The following PANX2 variants were observed in gnomAD, a reference collection of about 807,000 sequenced individuals.
PANX2 encodes the protein pannexin-2.
In PANX2, 30 loss-of-function variants were observed where a neutral mutation model predicts 38.7. That is an observed-to-expected ratio of 0.78 (90% CI 0.58 to 1.05). PANX2 has a LOEUF of 1.05. Ranked by LOEUF, PANX2 falls within the 50% of genes least tolerant of loss-of-function variation. The probability of loss-of-function intolerance (pLI) is 0.00; values close to 1 mark genes in which losing one functional copy is unlikely to be tolerated. For synonymous variants in PANX2, 539 were observed against 472.1 expected (o/e 1.14, Z -1.84); for missense variants, 880 against 979.3 (o/e 0.90, Z 1.35).
rs758658004 is a variant in PANX2 at position 50,177,367 on chromosome 22, CGCA to C, written c.659_661del (p.Ser220del). 6.2e-7 allele frequency: 1 copy of C among 1,609,648 alleles called. No homozygotes were observed. The highest frequency in any genetic ancestry group is 2.2e-5 in the East Asian group (1 of 44,778). ...CGAGAAGTACCTGGAGCGCCGCGGCCGCAGCAACTTCCTGGCCAAGCTGTACCT... is the reference window on the plus strand; with the variant it reads ...CGAGAAGTACCTGGAGCGCCGCGGCCGCAACTTCCTGGCCAAGCTGTACCT... On this transcript the variant is annotated inframe_deletion, in exon 2 of 3. Transcript: ENST00000395842.
At position 50,178,914 on chromosome 22, in the gene PANX2, G is replaced by C. The variant is rs1207511498; in HGVS notation, c.1691-20G>C. The stretch of plus-strand genomic sequence containing the variant: ...CAGCGGAGGATGGTGTGAGATGTCT[G>C]TGCTCTTGGCTGTTTGCAGATGCTC... On this transcript the variant is annotated intron_variant, in intron 2 of 2. Transcript: ENST00000395842. The C allele has an allele frequency of 6.5e-7, 1 of 1,542,900 alleles. No individual in the cohort carries two copies. The highest frequency in any genetic ancestry group is 1.4e-5 in the African/African-American group (1 of 72,906).
intron 1 of PANX2, among the ~76,000 whole-genome samples, chr22:50,171,809 G>A (rs1321367540): frequency 1.3e-5 from 2 of 152,158 alleles, no homozygotes; most frequent in African/African-American, 4.8e-5. Context: ...GGCCTGTGTG[G>A]CCCAGAGGTA....
At chr22:50,178,849 T>G in intron 2 of PANX2, 85 bp from the exon 3 acceptor site, 1 of 1,234,742 alleles carries the variant, frequency 8.1e-7, no homozygotes, top group South Asian at 1.5e-5. Flanking sequence ...TGAGCCCTGC[T>G]CCCCCGCCAG....
chr22:50,173,444 C>T (rs766081353), intron 1 of PANX2, among the ~76,000 whole-genome samples: 1 of 152,270 alleles, frequency 6.6e-6, no homozygotes, highest in Non-Finnish European at 1.5e-5. Flanking sequence ...GAGGGCCGAG[C>T]GCAGCCCCTG....
In PANX2 at chr22:50,177,670, T is replaced by A; in HGVS notation, c.958T>A (p.Phe320Ile). The part of the protein sequence containing the change: ...IHLFIFRKSN[F>I]IFDKLHKVGI... ...CCTCTTCATCTTCCGCAAGAGCAAC[T>A]TCATCTTCGACAAGCTGCACAAGGT... is the stretch of plus-strand genomic sequence containing the variant. The change falls in exon 2 of 3, where the codon TTC (phenylalanine) becomes ATC (isoleucine). Residue 320 changes from phenylalanine to isoleucine, a missense_variant. This residue lies in a region of PANX2 where 78 missense variants were observed against 133.1 expected (regional missense o/e 0.59). Coordinates refer to ENST00000395842, the MANE Select transcript of PANX2 (RefSeq NM_052839.4). 1 of 1,612,436 alleles carries A rather than the reference T, an allele frequency of 6.2e-7. No individual in the cohort carries two copies. The highest frequency in any genetic ancestry group is 1.1e-5 in the South Asian group (1 of 91,090).
At chr22:50,172,960 G>C (rs1387547049) in intron 1 of PANX2, among the ~76,000 whole-genome samples, 2 of 147,796 alleles carry the variant, frequency 1.4e-5, no homozygotes, top group East Asian at 4.2e-4. Flanking sequence ...ATAGTGGCGC[G>C]ATCTCTGCTC....
In PANX2 at chr22:50,177,948, C is replaced by G. The variant is rs779250420; in HGVS notation, c.1236C>G (p.Ala412=). The G allele has an allele frequency of 1.3e-6, 2 of 1,532,844 alleles. No individual in the cohort carries two copies. The highest frequency in any genetic ancestry group is 1.7e-6 in the Non-Finnish European group (2 of 1,144,272). The allele number at this position is 1,532,844 out of a possible 1,614,324, so 95.0% of individuals were successfully genotyped here. ...VQTVDPSANP[A]EPDGAAEPPV... ...CCGTGGACCCCAGCGCCAACCCCGCCGAGCCCGACGGCGCCGCCGAGCCGC... is the reference window on the plus strand; with the variant it reads ...CCGTGGACCCCAGCGCCAACCCCGCGGAGCCCGACGGCGCCGCCGAGCCGC... The change falls in exon 2 of 3, where the codon GCC becomes GCG. Residue 412 remains alanine, a synonymous_variant. Transcript: ENST00000395842.
At position 50,177,802 on chromosome 22, in the gene PANX2, C is replaced by A; in HGVS notation, c.1090C>A (p.Leu364Met). 1 of 1,603,126 alleles carries A rather than the reference C, an allele frequency of 6.2e-7. No individual in the cohort carries two copies. The highest frequency in any genetic ancestry group is 8.5e-7 in the Non-Finnish European group (1 of 1,179,762). The change falls in exon 2 of 3, where the codon CTG (leucine) becomes ATG (methionine). Residue 364 changes from leucine (L) to methionine (M), a missense_variant. Physicochemically the swap from Leu to Met is conservative, Grantham distance 15 (BLOSUM62 2). This residue lies in a region of PANX2 where 78 missense variants were observed against 133.1 expected (regional missense o/e 0.59). Coordinates refer to ENST00000395842, the MANE Select transcript of PANX2 (RefSeq NM_052839.4). ...NRDHIKSLNR[L>M]DFITNESDLM... is the part of the protein sequence containing the mutation. ...CGACCACATCAAGTCGCTCAACCGG[C>A]TGGACTTCATCACCAACGAGAGCGA... is the stretch of plus-strand genomic sequence containing the variant.
intron 1 of PANX2, among the ~76,000 whole-genome samples, chr22:50,172,440 C>T (rs961227338): frequency 1.3e-5 from 2 of 151,538 alleles, no homozygotes; most frequent in Non-Finnish European, 2.9e-5. Context: ...TCCAAATTTC[C>T]TTTTTTTTTG....
At chr22:50,176,492 A>G (rs2063661775) in intron 1 of PANX2, among the ~76,000 whole-genome samples, 1 of 149,198 alleles carries the variant, frequency 6.7e-6, no homozygotes, top group Non-Finnish European at 1.5e-5. Flanking sequence ...ACCTGAGCCA[A>G]CCGCCTTCCT....
Position 50,178,131 on chromosome 22 carries a change from CGCGCCGCTGCTG to C in PANX2, c.1421_1432del (p.Ala474_Leu477del). 1 of 1,532,932 alleles carries C rather than the reference CGCGCCGCTGCTG, an allele frequency of 6.5e-7. No individual in the cohort carries two copies. Among genetic ancestry groups the C allele is most frequent in the Non-Finnish European group, 8.7e-7 (1 of 1,148,046 alleles). 95.0% of individuals were successfully genotyped at this position (1,532,932 alleles called of 1,614,324 possible). A position where few individuals can be genotyped will look rare whatever the true frequency, so the allele number is the denominator to read the frequency against. ...GGAAGACGGCCACGGACACGCTGAT[CGCGCCGCTGCTG>C]GACCGCTCCGCCCACCACTACAAGG... On this transcript the variant is annotated inframe_deletion, in exon 2 of 3. Transcript: ENST00000395842.
In PANX2 at chr22:50,178,039, TTC is replaced by T. The variant is rs1448181995; in HGVS notation, c.1328_1329del (p.Phe443Ter). 1 of 1,550,598 alleles carries T rather than the reference TTC, an allele frequency of 6.4e-7. No homozygotes were observed. Among genetic ancestry groups the T allele is most frequent in the South Asian group, 1.2e-5 (1 of 84,702 alleles). On this transcript the variant is annotated frameshift_variant, in exon 2 of 3. Coordinates refer to ENST00000395842, the MANE Select transcript of PANX2 (RefSeq NM_052839.4). LOFTEE classifies it high-confidence loss of function. ...IPTSNPLPQP[F>X]KEPLAIMRVE... ...CACCAGCAACCCGCTTCCGCAGCCC[TTC>T]AAGGAGCCGCTGGCCATCATGCGCG...
intron 1 of PANX2, among the ~76,000 whole-genome samples, chr22:50,174,468 G>T (rs916066842): frequency 1.3e-5 from 2 of 152,228 alleles, no homozygotes; most frequent in Admixed American, 1.3e-4. Context: ...GCAGCACCAG[G>T]CCCCTGGCTG....
Position 50,179,612 on chromosome 22 carries a change from T to G in PANX2, c.*335T>G, listed in dbSNP as rs1295709780. On this transcript the variant is annotated 3_prime_UTR_variant, in exon 3 of 3. Coordinates refer to ENST00000395842, the MANE Select transcript of PANX2 (RefSeq NM_052839.4). ...GTGAAGAGTTTATTTTTTTAGTCCG[T>G]TTCGTCCTGGCCCCGGGCTGTGGCG... The G allele has an allele frequency of 3.4e-6, 1 of 290,198 alleles. No individual in the cohort carries two copies. The highest frequency in any genetic ancestry group is 2.3e-5 in the African/African-American group (1 of 44,330). The allele number at this position is 290,198 out of a possible 1,614,324, so 18.0% of individuals were successfully genotyped here.
At chr22:50,175,150 G>C (rs895826651) in intron 1 of PANX2, among the ~76,000 whole-genome samples, 2 of 152,218 alleles carry the variant, frequency 1.3e-5, no homozygotes, top group African/African-American at 2.4e-5. Flanking sequence ...GGCATGAGGA[G>C]TTCGGGTCCA....
chr22:50,178,906 A>C (rs1218334687), intron 2 of PANX2, 28 bp from the exon 3 acceptor site: 4 of 1,523,678 alleles, frequency 2.6e-6, no homozygotes, highest in Non-Finnish European at 1.8e-6. Context: ...GGATGGTGTG[A>C]GATGTCTGTG....
chr22:50,170,930 C>T lies in PANX2; in HGVS notation c.200C>T (p.Thr67Ile). Residue 67 changes from threonine (T) to isoleucine (I), a missense_variant, in exon 1 of 3, where the codon ACC becomes ATC. By Grantham distance (89) the Thr-to-Ile change is moderately conservative (BLOSUM62 -1). Transcript: ENST00000395842. The part of the protein sequence containing the change: ...GTVLVPILLV[T>I]LVFTKNFAEE... ...GTGCTGGTGCCCATCCTGCTGGTCACCCTGGTCTTCACCAAGAACTTCGCA... is the reference window on the plus strand; with the variant it reads ...GTGCTGGTGCCCATCCTGCTGGTCATCCTGGTCTTCACCAAGAACTTCGCA... 1 of 1,520,632 alleles carries T rather than the reference C, an allele frequency of 6.6e-7. No homozygotes were observed. 94.2% of individuals were successfully genotyped at this position (1,520,632 alleles called of 1,614,324 possible). A position where few individuals can be genotyped will look rare whatever the true frequency, so the allele number is the denominator to read the frequency against.
Position 50,175,498 on chromosome 22 carries a change from C to T in PANX2, c.227-1441C>T, listed in dbSNP as rs761374353. On this transcript the variant is annotated intron_variant, in intron 1 of 2. Transcript: ENST00000395842. ...CAAAACATAAGTAAATAAAATATGC[C>T]ATTTTCTCAACCAAGAGAGTGGATT... The T allele has an allele frequency of 3.1e-5, 39 of 1,265,064 alleles. 1 individual carries two copies. The South Asian group carries it at 4.9e-4, about 16-fold the overall frequency. 78.4% of individuals were successfully genotyped at this position (1,265,064 alleles called of 1,614,324 possible). A position where few individuals can be genotyped will look rare whatever the true frequency, so the allele number is the denominator to read the frequency against.
At chr22:50,174,718 A>G (rs112011389) in intron 1 of PANX2, among the ~76,000 whole-genome samples, 120 of 152,338 alleles carry the variant, frequency 7.9e-4, no homozygotes, top group African/African-American at 2.8e-3. Flanking sequence ...GGGAAGTCCC[A>G]GAGGAGGGCC....
Sources: gnomAD v4.1 joint callset for allele counts (sites outside exome capture counted in the v4.1 genomes callset) on GRCh38, gnomAD v4.1.1 for gene constraint, gnomAD v4.1.1 regional missense constraint, MANE v1.5 for transcripts, NCBI Gene and HGNC (gene_info 2026-07-23, HGNC 2026-07-21) for gene names.